C1orf141: variants seen among roughly 807,000 people sequenced by gnomAD.
The protein encoded by C1orf141 is uncharacterized protein C1orf141.
Under a neutral mutation model 23.2 loss-of-function variants are expected in C1orf141, and 19 were observed. The ratio of observed to expected loss-of-function variants is 0.82; its 90% CI spans 0.57 to 1.20. C1orf141 has a LOEUF of 1.20. C1orf141 is among the 50% of genes most tolerant of loss of function. The pLI is 0.00. For synonymous variants in C1orf141, 153 were observed against 154.6 expected, an observed-to-expected ratio of 0.99 and a Z score of 0.08; for missense variants, 469 against 455.1, an observed-to-expected ratio of 1.03 and a Z score of -0.28.
At chr1:67,103,529 G>T in intron 5 of C1orf141, 1 of 479,086 alleles carries the variant, frequency 2.1e-6, no homozygotes, top group Non-Finnish European at 3.4e-6. Flanking sequence ...TTTAAAATGT[G>T]ATTTATTTAA....
chr1:67,120,706 A>G (rs955495980), intron 4 of C1orf141, among the ~76,000 whole-genome samples: 5 of 152,168 alleles, frequency 3.3e-5, no homozygotes, highest in African/African-American at 1.2e-4. Flanking sequence ...TGTCCTCACC[A>G]GACACTGATC....
intron 3 of C1orf141, 112 bp from the exon 4 acceptor site, chr1:67,126,021 AT>A: frequency 1.8e-6 from 2 of 1,127,804 alleles, no homozygotes; most frequent in Non-Finnish European, 2.4e-6. Flanking sequence ...CACACACAGA[AT>A]TTAGGTGGCA....
At chr1:67,132,129 G>A (rs527503508) in intron 1 of C1orf141, among the ~76,000 whole-genome samples, 2 of 151,980 alleles carry the variant, frequency 1.3e-5, no homozygotes, top group East Asian at 3.9e-4. Context: ...CTCGGTGACA[G>A]TCTATTTATT....
upstream of C1orf141, among the ~76,000 whole-genome samples, chr1:67,136,478 T>G (rs1222491526): frequency 1.3e-5 from 2 of 152,210 alleles, no homozygotes; most frequent in Non-Finnish European, 2.9e-5. Flanking sequence ...GCTCAAAAAT[T>G]TGTACAGAGG....
upstream of C1orf141, chr1:67,138,796 C>T (rs891155375): frequency 6.6e-6 from 1 of 152,302 alleles, no homozygotes; most frequent in Non-Finnish European, 1.5e-5. Flanking sequence ...ACAGGGACTT[C>T]AGAACTTCTG....
At chr1:67,112,720 A>C (rs978477722) in intron 5 of C1orf141, among the ~76,000 whole-genome samples, 4 of 152,256 alleles carry the variant, frequency 2.6e-5, no homozygotes, top group African/African-American at 9.6e-5. Context: ...ACCACCAAAA[A>C]ACAAAAAACC....
chr1:67,094,218 C>T (rs1433213221), intron 7 of C1orf141: 1 of 152,144 alleles, frequency 6.6e-6, no homozygotes, highest in East Asian at 1.9e-4. Context: ...GCAGTAATAT[C>T]CAAGTCTGCT....
At chr1:67,096,170 T>G in intron 6 of C1orf141, 82 bp downstream of exon 6, 1 of 720,444 alleles carries the variant, frequency 1.4e-6, no homozygotes, top group South Asian at 1.7e-5. Flanking sequence ...CAGAATAAAT[T>G]TATTCCTGTC....
chr1:67,122,604 T>G (rs1558201816), intron 4 of C1orf141: 1 of 152,214 alleles, frequency 6.6e-6, no homozygotes, highest in Non-Finnish European at 1.5e-5. Flanking sequence ...ATTCTTTGAC[T>G]GCTTCCTCAA....
chr1:67,109,927 G>GA (rs900131241), intron 5 of C1orf141, among the ~76,000 whole-genome samples: 2 of 151,848 alleles, frequency 1.3e-5, no homozygotes, highest in Admixed American at 1.3e-4. Context: ...AATAGATAGA[G>GA]AAAAAAGAGT....
intron 7 of C1orf141, 136 bp downstream of exon 7, chr1:67,095,099 C>A: frequency 1.8e-6 from 1 of 560,314 alleles, no homozygotes; most frequent in Non-Finnish European, 3.1e-6. Context: ...AACTTAAGTG[C>A]TGTTATCACT....
intron 4 of C1orf141, among the ~76,000 whole-genome samples, chr1:67,116,485 C>A (rs1208498271): frequency 6.6e-6 from 1 of 151,882 alleles, no homozygotes; most frequent in Non-Finnish European, 1.5e-5. Flanking sequence ...CACTTGTCCT[C>A]AACATTCTCT....
Position 67,133,031 on chromosome 1 carries a change from C to A in C1orf141, c.-103-1804G>T, listed in dbSNP as rs545639706. The stretch of plus-strand genomic sequence containing the variant: ...CTTGCTCTCAACAAAAATTGTAGGT[C>A]AATATTATTAGCATATCAGAGACTA... On this transcript the variant is annotated intron_variant, in intron 1 of 7. Transcript: ENST00000684719. 1.3e-3 allele frequency among the ~76,000 whole-genome samples: 204 copies of A among 152,104 alleles called. 2 individuals are homozygous for A. Among genetic ancestry groups the A allele is most frequent in the Admixed American group, 2.2e-3 (33 of 15,266 alleles).
At chr1:67,111,214 CT>C (rs1485085230) in intron 5 of C1orf141, among the ~76,000 whole-genome samples, 5 of 151,862 alleles carry the variant, frequency 3.3e-5, no homozygotes, top group African/African-American at 1.2e-4. Context: ...AAAAAAAGGT[CT>C]TGGTTACACA....
At chr1:67,141,414 G>A (rs914280799) in intron 1 of C1orf141, among the ~76,000 whole-genome samples, 3 of 151,324 alleles carry the variant, frequency 2.0e-5, no homozygotes, top group African/African-American at 7.3e-5. Flanking sequence ...AAAGTCAAAA[G>A]CCTCTTAAAA....
upstream of C1orf141, among the ~76,000 whole-genome samples, chr1:67,137,755 G>A (rs897684604): frequency 5.9e-5 from 9 of 152,222 alleles, no homozygotes; most frequent in African/African-American, 1.9e-4. Flanking sequence ...CAAGGGCAAA[G>A]GCCGGACTTT....
At chr1:67,096,025 A>C (rs564943015) in intron 6 of C1orf141, 89 of 321,794 alleles carry the variant, frequency 2.8e-4, no homozygotes, top group African/African-American at 1.7e-3. Flanking sequence ...ACTAAAAAAA[A>C]AAATTGTATT....
rs113681995 is a variant in C1orf141, at chr1:67,095,358, T to C, written c.480A>G (p.Gln160=). The C allele has an allele frequency of 4.0e-5, 63 of 1,575,200 alleles. No homozygotes were observed. In the African/African-American group the frequency reaches 6.8e-4, roughly 17 times the overall value. Residue 160 remains glutamine (Q), a synonymous_variant, in exon 7 of 8, where the codon CAA becomes CAG. Coordinates refer to ENST00000684719, the MANE Select transcript of C1orf141 (RefSeq NM_001276351.2). The part of the protein sequence containing the change: ...IKENKSVRNY[Q]LSKYRSVRKK... ...TTCTTACTGACCTATACTTACTTAA[T>C]TGATAATTTCTGACCGATTTGTTTT...
intron 4 of C1orf141, among the ~76,000 whole-genome samples, chr1:67,116,429 C>T (rs1332906450): frequency 2.0e-5 from 3 of 151,934 alleles, no homozygotes; most frequent in Admixed American, 6.6e-5. Context: ...ATCTGAACCC[C>T]TTCCCTATGT....
Sources: gnomAD v4.1 joint callset for allele counts (sites outside exome capture counted in the v4.1 genomes callset) on GRCh38, gnomAD v4.1.1 for gene constraint, MANE v1.5 for transcripts, NCBI Gene and HGNC (gene_info 2026-07-23, HGNC 2026-07-21) for gene names.